Variants in BCAS3 observed in about 807,000 individuals in gnomAD.
The protein encoded by BCAS3 is BCAS4/BCAS3 fusion.
In BCAS3, 53 loss-of-function variants were observed where a neutral mutation model predicts 116.1. The ratio of observed to expected loss-of-function variants is 0.46; its 90% CI spans 0.37 to 0.57. The LOEUF is 0.57. Among genes scored for constraint, BCAS3 ranks in the 20% least tolerant of loss-of-function variants. The pLI is 0.00. For missense variants in BCAS3, 917 were observed against 1,165.4 expected (o/e 0.79, Z 3.10); for synonymous variants, 391 against 408.2 (o/e 0.96, Z 0.51).
chr17:61,294,309 C>T (rs1298937348), intron 22 of BCAS3, among the ~76,000 whole-genome samples: 1 of 152,158 alleles, frequency 6.6e-6, no homozygotes, highest in Non-Finnish European at 1.5e-5. Context: ...TCCCTACTCA[C>T]GGGTCCTTTC....
rs547872428 is a variant in BCAS3, at chr17:61,259,451, A to G, written c.2426-108876A>G. On this transcript the variant is annotated intron_variant, in intron 22 of 23. Transcript: ENST00000407086. This position sits in a 1 kb window ranked among gnomAD's most constrained non-coding sequence, Gnocchi z 4.7. The stretch of plus-strand genomic sequence containing the variant: ...TGCCAGTTCCTGTCCATAGGGGTTG[A>G]GAACATCGTTGGATGATATGTTTAA... Among the ~76,000 whole-genome samples, 6 of 152,292 alleles carry G rather than the reference A, an allele frequency of 3.9e-5. No individual in the cohort carries two copies. In the East Asian group the frequency reaches 7.7e-4, roughly 20 times the overall value.
chr17:61,368,226 A>G lies in BCAS3; in HGVS notation c.2426-101A>G, dbSNP rs569255984. ...TGCTTCCATCCTACAGGAAGGCTAC[A>G]ATGGACCCTGGGTATGGAGAGGAGC... On this transcript the variant is annotated intron_variant, in intron 22 of 23. Coordinates refer to ENST00000407086, the MANE Select transcript of BCAS3 (RefSeq NM_017679.5). This position sits in a 1 kb window ranked among gnomAD's most constrained non-coding sequence, Gnocchi z 6.0. 264 of 1,316,564 alleles carry G rather than the reference A, an allele frequency of 2.0e-4. No homozygotes were observed. The African/African-American group carries it at 3.7e-3, about 18-fold the overall frequency. The allele number at this position is 1,316,564 out of a possible 1,614,324, so 81.6% of individuals were successfully genotyped here. A position where few individuals can be genotyped will look rare whatever the true frequency, so the allele number is the denominator to read the frequency against.
At chr17:61,293,791 C>T (rs981809629) in intron 22 of BCAS3, among the ~76,000 whole-genome samples, 21 of 152,326 alleles carry the variant, frequency 1.4e-4, no homozygotes, top group African/African-American at 4.3e-4. Context: ...GACAGGGTCT[C>T]ACTCTGTCAC....
chr17:61,048,360 A>G (rs1028483607), intron 19 of BCAS3, among the ~76,000 whole-genome samples: 26 of 151,990 alleles, frequency 1.7e-4, no homozygotes, highest in African/African-American at 6.3e-4. Flanking sequence ...GATCCCTGAG[A>G]GATGGGAAAC....
intron 14 of BCAS3, among the ~76,000 whole-genome samples, chr17:60,976,009 A>G (rs1246771472): frequency 1.4e-5 from 1 of 69,992 alleles, no homozygotes; most frequent in African/African-American, 4.4e-5. Flanking sequence ...ACATTTGTAT[A>G]TAGATTTTTG....
chr17:60,875,247 A>G (rs1239038157), intron 9 of BCAS3, among the ~76,000 whole-genome samples: 2 of 152,122 alleles, frequency 1.3e-5, no homozygotes, highest in Admixed American at 6.5e-5. Flanking sequence ...TGTAAGCACA[A>G]TTTCCTTTAA....
intron 8 of BCAS3, among the ~76,000 whole-genome samples, chr17:60,871,628 C>G (rs1243163674): frequency 2.7e-5 from 4 of 150,308 alleles, no homozygotes; most frequent in African/African-American, 9.7e-5. Context: ...TTTGCATAAC[C>G]AGGCATTGTA....
intron 5 of BCAS3, among the ~76,000 whole-genome samples, chr17:60,719,874 G>A (rs532577636): frequency 4.6e-5 from 7 of 152,286 alleles, no homozygotes; most frequent in Non-Finnish European, 7.4e-5. Flanking sequence ...GTGGTTAGAC[G>A]TTTAGAAGAG....
intron 18 of BCAS3, 26 bp from the exon 19 acceptor site, chr17:61,040,766 T>C (rs1265502579): frequency 6.4e-7 from 1 of 1,572,894 alleles, no homozygotes; most frequent in Non-Finnish European, 8.8e-7. Context: ...AGCTTAAATA[T>C]TAATATTCTT....
intron 18 of BCAS3, among the ~76,000 whole-genome samples, chr17:61,040,253 G>C (rs1009254657): frequency 6.6e-6 from 1 of 152,142 alleles, no homozygotes; most frequent in Admixed American, 6.5e-5. Flanking sequence ...ATCAATATCT[G>C]ATTTATCAAG....
chr17:60,872,999 T>C (rs2055271989), intron 8 of BCAS3, among the ~76,000 whole-genome samples: 1 of 152,132 alleles, frequency 6.6e-6, no homozygotes, highest in African/African-American at 2.4e-5. Context: ...AAATGCCTTT[T>C]CTTCTATCAG....
At chr17:60,836,608 A>G (rs991082211) in intron 7 of BCAS3, among the ~76,000 whole-genome samples, 2 of 152,170 alleles carry the variant, frequency 1.3e-5, no homozygotes, top group Non-Finnish European at 2.9e-5. Context: ...TTATTAGAAC[A>G]AACTGTTGTT....
At chr17:60,751,335 G>A (rs1217428518) in intron 6 of BCAS3, among the ~76,000 whole-genome samples, 3 of 151,918 alleles carry the variant, frequency 2.0e-5, no homozygotes, top group South Asian at 4.2e-4. Flanking sequence ...GATAAAAACT[G>A]TTACTAATTA....
chr17:60,767,340 CTTTTTTTTTT>C (rs779804407), intron 6 of BCAS3, among the ~76,000 whole-genome samples: 3 of 116,426 alleles, frequency 2.6e-5, no homozygotes, highest in African/African-American at 1.2e-4. Context: ...CTCAGAAGTC[CTTTTTTTTTT>C]TTTTTTTTTT....
chr17:61,066,381 G>A (rs1458525972), intron 19 of BCAS3, among the ~76,000 whole-genome samples: 1 of 152,166 alleles, frequency 6.6e-6, no homozygotes, highest in African/African-American at 2.4e-5. Context: ...ATATAAAGAG[G>A]ATGCTTACAA....
Position 61,391,539 on chromosome 17 carries a change from G to A in BCAS3, c.2594-438G>A, listed in dbSNP as rs1216700305. 1.2e-5 allele frequency: 2 copies of A among 167,006 alleles called. No individual in the cohort carries two copies. Among genetic ancestry groups the A allele is most frequent in the Non-Finnish European group, 1.3e-5 (1 of 78,122 alleles). The allele number at this position is 167,006 out of a possible 1,614,324, so 10.3% of individuals were successfully genotyped here. A position where few individuals can be genotyped will look rare whatever the true frequency, so the allele number is the denominator to read the frequency against. ...GAGAGAGGTGGGGACAGATCAGGCAGGGATGCTGCAAGCCCTCCCGTGTCC... is the reference window on the plus strand; with the variant it reads ...GAGAGAGGTGGGGACAGATCAGGCAAGGATGCTGCAAGCCCTCCCGTGTCC... On this transcript the variant is annotated intron_variant, in intron 23 of 23. Transcript: ENST00000407086. The surrounding 1 kb of genome is among the most constrained non-coding windows in gnomAD (Gnocchi z 7.7).
chr17:61,031,621 C>T (rs1452359502), intron 16 of BCAS3, among the ~76,000 whole-genome samples: 1 of 152,020 alleles, frequency 6.6e-6, no homozygotes, highest in Admixed American at 6.6e-5. Context: ...ATACCACAAT[C>T]ATTCCAGATT....
chr17:61,155,365 A>G (rs2077771714), intron 22 of BCAS3, among the ~76,000 whole-genome samples: 2 of 152,110 alleles, frequency 1.3e-5, no homozygotes, highest in South Asian at 4.1e-4. Flanking sequence ...GCATCAAAGT[A>G]TTGGTGCTTT....
chr17:61,230,207 G>C (rs1187866554), intron 22 of BCAS3, among the ~76,000 whole-genome samples: 19 of 151,738 alleles, frequency 1.3e-4, no homozygotes, highest in Admixed American at 1.2e-3. Context: ...TGTATACTTT[G>C]TTTTAATATG....
Sources: gnomAD v4.1 joint callset for allele counts (sites outside exome capture counted in the v4.1 genomes callset) on GRCh38, gnomAD v4.1.1 for gene constraint, Gnocchi (gnomAD v3.1) non-coding constraint, MANE v1.5 for transcripts, NCBI Gene and HGNC (gene_info 2026-07-23, HGNC 2026-07-21) for gene names.